CRYBG3: variants seen among roughly 807,000 people sequenced by gnomAD.
CRYBG3 encodes the protein crystallin beta-gamma domain containing 3.
CRYBG3 carries 127 observed loss-of-function variants against 244.2 expected under a neutral mutation model. The ratio of observed to expected loss-of-function variants is 0.52; its 90% CI spans 0.45 to 0.60. CRYBG3 has a LOEUF of 0.60. Among genes scored for constraint, CRYBG3 ranks in the 20% least tolerant of loss-of-function variants. The pLI, the probability that CRYBG3 is intolerant of heterozygous loss-of-function variation, is 0.00. For missense variants in CRYBG3, 3,325 were observed against 3,442.5 expected, an observed-to-expected ratio of 0.97 and a Z score of 0.85; for synonymous variants, 1,132 against 1,195.8, an observed-to-expected ratio of 0.95 and a Z score of 1.10.
At chr3:97,841,560 G>C (rs937006541) in intron 1 of CRYBG3, among the ~76,000 whole-genome samples, 3 of 151,940 alleles carry the variant, frequency 2.0e-5, no homozygotes, top group Non-Finnish European at 4.4e-5. Context: ...AGACTTTTAT[G>C]GATAGAAAAT....
intron 15 of CRYBG3, among the ~76,000 whole-genome samples, chr3:97,900,697 C>T (rs1028632410): frequency 2.0e-5 from 3 of 152,180 alleles, no homozygotes; most frequent in African/African-American, 7.2e-5. Context: ...TTTGTTTTCT[C>T]CTGACAGAGC....
intron 1 of CRYBG3, among the ~76,000 whole-genome samples, chr3:97,840,213 TGGGTAACA>T (rs1396264742): frequency 6.6e-6 from 1 of 152,060 alleles, no homozygotes; most frequent in African/African-American, 2.4e-5. Flanking sequence ...CAAGTGGTTC[TGGGTAACA>T]GTTGTATCAG....
At chr3:97,908,760 A>G (rs985900792) in intron 15 of CRYBG3, among the ~76,000 whole-genome samples, 1 of 152,046 alleles carries the variant, frequency 6.6e-6, no homozygotes, top group Non-Finnish European at 1.5e-5. Flanking sequence ...TAAAGTTAAT[A>G]TTGTTATGTG....
intron 1 of CRYBG3, among the ~76,000 whole-genome samples, chr3:97,825,103 G>A (rs1261586123): frequency 2.0e-5 from 3 of 152,136 alleles, no homozygotes; most frequent in Non-Finnish European, 4.4e-5. Context: ...GATCTGTTAG[G>A]GGATATATAC....
In CRYBG3 at chr3:97,874,129, A is replaced by G; in HGVS notation, c.2935A>G (p.Ile979Val). 1 of 1,534,344 alleles carries G rather than the reference A, an allele frequency of 6.5e-7. No homozygotes were observed. Among genetic ancestry groups the G allele is most frequent in the Non-Finnish European group, 8.7e-7 (1 of 1,146,404 alleles). The change falls in exon 4 of 22, where the codon ATT becomes GTT. Residue 979 changes from isoleucine to valine, a missense_variant. Coordinates refer to ENST00000389622, the MANE Select transcript of CRYBG3 (RefSeq NM_153605.4). ...TTTGGATATTTGTGGGACTAAAAAG[A>G]TTTCTGGTCACTCAGAAATGGCGGA... ...QSLDICGTKK[I>V]SGHSEMAELS...
intron 7 of CRYBG3, among the ~76,000 whole-genome samples, chr3:97,884,472 A>G (rs2039485485): frequency 6.6e-6 from 1 of 152,062 alleles, no homozygotes; most frequent in African/African-American, 2.4e-5. Flanking sequence ...GTTTACTGTG[A>G]TTTTGTTAAC....
Position 97,864,557 on chromosome 3 carries a change from A to G in CRYBG3, c.557A>G (p.Glu186Gly), listed in dbSNP as rs528529816. The G allele has an allele frequency of 2.0e-5, 31 of 1,535,976 alleles. No individual in the cohort carries two copies. In the South Asian group the frequency reaches 3.3e-4, roughly 17 times the overall value. The change falls in exon 3 of 22, where the codon GAA becomes GGA. Residue 186 changes from glutamate to glycine, a missense_variant. Transcript: ENST00000389622. ...GSLRTQTHPT[E>G]EQDSNSSELS... is the part of the protein sequence containing the mutation. ...CTAAGAACCCAGACACATCCAACAG[A>G]AGAACAAGACTCTAACTCATCCGAA... is the stretch of plus-strand genomic sequence containing the variant.
At position 97,908,910 on chromosome 3, in the gene CRYBG3, G is replaced by A. The variant is rs1096619; in HGVS notation, c.8005-3257G>A. 2.5e-3 allele frequency among the ~76,000 whole-genome samples: 386 copies of A among 152,152 alleles called. 3 individuals are homozygous for A. The highest frequency in any genetic ancestry group is 0.025 in the East Asian group (130 of 5,182). The stretch of plus-strand genomic sequence containing the variant: ...CTGGTTGTTCCTTTCCATGTTTAGC[G>A]CTTCCTTCAGGAGCTCTTTTAGGGC... On this transcript the variant is annotated intron_variant, in intron 15 of 21. Transcript: ENST00000389622.
rs142250093 is a variant in CRYBG3 at position 97,840,704 on chromosome 3, A to G, written c.150-2491A>G. ...AGTATGTTTATAGAAAACCCTGTAA[A>G]CACACCAAATAAAGCAGAATTTCAG... On this transcript the variant is annotated intron_variant, in intron 1 of 21. Coordinates refer to ENST00000389622, the MANE Select transcript of CRYBG3 (RefSeq NM_153605.4). The G allele has an allele frequency of 5.3e-5, 8 of 152,260 alleles. No homozygotes were observed. The East Asian group carries it at 7.7e-4, about 15-fold the overall frequency. 9.4% of individuals were successfully genotyped at this position (152,260 alleles called of 1,614,324 possible).
At chr3:97,864,706 G>A (rs932178264) in intron 3 of CRYBG3, 59 bp downstream of exon 3, 16 of 1,173,610 alleles carry the variant, frequency 1.4e-5, no homozygotes, top group Non-Finnish European at 1.9e-5. Flanking sequence ...TAGCTTTTGA[G>A]CTTTAGCTTT....
chr3:97,933,789 G>A lies in CRYBG3; in HGVS notation c.8337G>A (p.Lys2779=), dbSNP rs767774468. 5.6e-6 allele frequency: 9 copies of A among 1,612,772 alleles called. No homozygotes were observed. The highest frequency in any genetic ancestry group is 2.2e-5 in the South Asian group (2 of 90,994). Residue 2779 remains lysine, a synonymous_variant, in exon 18 of 22, where the codon AAG becomes AAA. Coordinates refer to ENST00000389622, the MANE Select transcript of CRYBG3 (RefSeq NM_153605.4). ...LEEAVNSVLN[K]DLHFYTQSVW... is the part of the protein sequence containing the mutation. ...AGGCTGTGAACTCTGTTCTGAACAA[G>A]GACCTACACTTCTACACCCAGTCTG...
Position 97,822,244 on chromosome 3 carries a change from A to C in CRYBG3, c.38A>C (p.His13Pro). ...CGCAGAAGGGGCAGCGCCCCCTGGC[A>C]CAGCTTCTCCCGGTTCTTCGCTCCC... ...SGRRRGSAPW[H>P]SFSRFFAPRS... Residue 13 changes from histidine to proline, a missense_variant, in exon 1 of 22, where the codon CAC becomes CCC. Physicochemically the swap from His to Pro is moderately conservative, Grantham distance 77. This residue lies in a region of CRYBG3 where 1,526 missense variants were observed against 1,443.2 expected (regional missense o/e 1.06). Coordinates refer to ENST00000389622, the MANE Select transcript of CRYBG3 (RefSeq NM_153605.4). The C allele has an allele frequency of 6.5e-7, 1 of 1,531,972 alleles. No individual in the cohort carries two copies. The highest frequency in any genetic ancestry group is 8.7e-7 in the Non-Finnish European group (1 of 1,145,380). 94.9% of individuals were successfully genotyped at this position (1,531,972 alleles called of 1,614,324 possible).
intron 1 of CRYBG3, among the ~76,000 whole-genome samples, chr3:97,838,872 GT>G (rs1385039122): frequency 6.6e-6 from 1 of 151,820 alleles, no homozygotes; most frequent in Non-Finnish European, 1.5e-5. Context: ...AAAATATTTT[GT>G]CTGGCACAGA....
intron 17 of CRYBG3, among the ~76,000 whole-genome samples, chr3:97,923,517 G>T (rs1003672025): frequency 5.9e-5 from 9 of 151,876 alleles, no homozygotes; most frequent in African/African-American, 1.9e-4. Flanking sequence ...AATTCAGGCA[G>T]CAGGCAAAGG....
intron 2 of CRYBG3, among the ~76,000 whole-genome samples, chr3:97,861,130 T>A (rs1198719751): frequency 6.6e-6 from 1 of 152,140 alleles, no homozygotes; most frequent in Non-Finnish European, 1.5e-5. Flanking sequence ...TTCTAACTGG[T>A]CATCTTATCA....
At chr3:97,892,601 G>C (rs887481418) in intron 10 of CRYBG3, among the ~76,000 whole-genome samples, 1 of 151,928 alleles carries the variant, frequency 6.6e-6, no homozygotes, top group African/African-American at 2.4e-5. Flanking sequence ...TCAAACTACT[G>C]TTTTGTTCTT....
chr3:97,850,587 C>T (rs1039966559), intron 2 of CRYBG3, among the ~76,000 whole-genome samples: 1 of 152,138 alleles, frequency 6.6e-6, no homozygotes, highest in African/African-American at 2.4e-5. Context: ...TAAACTATAA[C>T]CAGCTGCATT....
rs1169985590 is a variant in CRYBG3, at chr3:97,943,711, A to G, written c.*397A>G. The G allele has an allele frequency of 1.8e-5, 3 of 166,564 alleles. No homozygotes were observed. The highest frequency in any genetic ancestry group is 3.4e-4 in the South Asian group (2 of 5,800). The allele number at this position is 166,564 out of a possible 1,614,324, so 10.3% of individuals were successfully genotyped here. On this transcript the variant is annotated 3_prime_UTR_variant, in exon 22 of 22. Coordinates refer to ENST00000389622, the MANE Select transcript of CRYBG3 (RefSeq NM_153605.4). ...ATCCTACCTAGATGCTTGTATGAGTACAAAGCATAAAGAAACAGATTTCTA... is the reference window on the plus strand; with the variant it reads ...ATCCTACCTAGATGCTTGTATGAGTGCAAAGCATAAAGAAACAGATTTCTA...
chr3:97,900,890 A>G (rs982435757), intron 15 of CRYBG3, among the ~76,000 whole-genome samples: 1 of 152,156 alleles, frequency 6.6e-6, no homozygotes, highest in African/African-American at 2.4e-5. Context: ...AATACCTATA[A>G]TCAAATATTT....
Sources: gnomAD v4.1 joint callset for allele counts (sites outside exome capture counted in the v4.1 genomes callset) on GRCh38, gnomAD v4.1.1 for gene constraint, gnomAD v4.1.1 regional missense constraint, MANE v1.5 for transcripts, NCBI Gene and HGNC (gene_info 2026-07-23, HGNC 2026-07-21) for gene names.